The following BCAS3 variants were observed in gnomAD, a reference collection of about 807,000 sequenced individuals.
The protein encoded by BCAS3 is BCAS3 microtubule associated cell migration factor.
In BCAS3, 53 loss-of-function variants were observed where a neutral mutation model predicts 116.1. The ratio of observed to expected loss-of-function variants is 0.46; its 90% CI spans 0.37 to 0.57. The LOEUF (loss-of-function observed/expected upper bound fraction) is 0.57. Ranked by LOEUF, BCAS3 falls within the 20% of genes least tolerant of loss-of-function variation. The probability of loss-of-function intolerance (pLI) is 0.00; values close to 1 mark genes in which losing one functional copy is unlikely to be tolerated. For synonymous variants in BCAS3, 391 were observed against 408.2 expected, an observed-to-expected ratio of 0.96 and a Z score of 0.51; for missense variants, 917 against 1,165.4, an observed-to-expected ratio of 0.79 and a Z score of 3.10.
chr17:60,899,144 G>A (rs2057706238), intron 10 of BCAS3, among the ~76,000 whole-genome samples: 1 of 152,072 alleles, frequency 6.6e-6, no homozygotes, highest in South Asian at 2.1e-4. Flanking sequence ...CAGTTTTTGG[G>A]TGAGGGGCCC....
intron 11 of BCAS3, among the ~76,000 whole-genome samples, chr17:60,908,002 C>T (rs1052967865): frequency 1.3e-5 from 2 of 152,168 alleles, no homozygotes; most frequent in African/African-American, 2.4e-5. Context: ...AAACTTCCAG[C>T]ACTTTTCTCT....
intron 22 of BCAS3, among the ~76,000 whole-genome samples, chr17:61,345,611 T>A (rs1015818726): frequency 2.0e-5 from 3 of 152,154 alleles, no homozygotes; most frequent in African/African-American, 7.2e-5. Flanking sequence ...GTGCGTTTTG[T>A]GTAGCACAGC....
rs1568400896 is a variant in BCAS3, at chr17:61,122,360, A to G, written c.2425+37796A>G. ...CTCAGGCTGCCCTTGGTTTTGAGCC[A>G]GATAACAAACCTTTCAGTTGAATTT... On this transcript the variant is annotated intron_variant, in intron 22 of 23. Coordinates refer to ENST00000407086, the MANE Select transcript of BCAS3 (RefSeq NM_017679.5). This position sits in a 1 kb window ranked among gnomAD's most constrained non-coding sequence, Gnocchi z 4.6. Among the ~76,000 whole-genome samples, 2 of 152,232 alleles carry G rather than the reference A, an allele frequency of 1.3e-5. No homozygotes were observed. Among genetic ancestry groups the G allele is most frequent in the Non-Finnish European group, 2.9e-5 (2 of 68,038 alleles).
At chr17:60,713,925 C>A (rs1200531538) in intron 5 of BCAS3, among the ~76,000 whole-genome samples, 1 of 152,154 alleles carries the variant, frequency 6.6e-6, no homozygotes, top group Non-Finnish European at 1.5e-5. Flanking sequence ...CCTCTGCCTC[C>A]TGGGTTCAAG....
At chr17:60,693,016 G>A (rs532129233) in intron 4 of BCAS3, among the ~76,000 whole-genome samples, 87 of 151,892 alleles carry the variant, frequency 5.7e-4, no homozygotes, top group Non-Finnish European at 8.4e-4. Context: ...TCGCTTGAAC[G>A]CAGGAGGTGG....
At chr17:61,043,568 T>C (rs2067724842) in intron 19 of BCAS3, among the ~76,000 whole-genome samples, 1 of 152,010 alleles carries the variant, frequency 6.6e-6, no homozygotes. Flanking sequence ...GTGTGGGTTT[T>C]CAGTGGGTAC....
chr17:60,835,946 CATTA>C lies in BCAS3; in HGVS notation c.476+27874_476+27877del, dbSNP rs1378669485. ...ATGTCTCCTGAATTTCTCATTTAGT[CATTA>C]ATTGTTTAGACTTTTAAATGAATTT... On this transcript the variant is annotated intron_variant, in intron 7 of 23. Coordinates refer to ENST00000407086, the MANE Select transcript of BCAS3 (RefSeq NM_017679.5). Among the ~76,000 whole-genome samples the C allele has an allele frequency of 5.9e-5, 9 of 152,158 alleles. No homozygotes were observed. In the East Asian group the frequency reaches 1.7e-3, roughly 29 times the overall value.
chr17:60,933,302 T>C (rs778004482), intron 13 of BCAS3, among the ~76,000 whole-genome samples: 2 of 152,196 alleles, frequency 1.3e-5, no homozygotes, highest in Non-Finnish European at 2.9e-5. Context: ...AAGGAAGAAA[T>C]CCTCAATTCT....
At chr17:61,175,613 T>C (rs1230877545) in intron 22 of BCAS3, among the ~76,000 whole-genome samples, 2 of 152,234 alleles carry the variant, frequency 1.3e-5, no homozygotes, top group Non-Finnish European at 2.9e-5. Context: ...GATAGCTCTA[T>C]TTTTAATTTT....
chr17:60,870,565 A>G (rs2055012926), intron 8 of BCAS3, among the ~76,000 whole-genome samples: 1 of 152,184 alleles, frequency 6.6e-6, no homozygotes, highest in Admixed American at 6.5e-5. Flanking sequence ...ACCTTACTGA[A>G]ACAAGGTAGC....
At chr17:60,886,505 G>C (rs1190113777) in intron 9 of BCAS3, 1 of 152,178 alleles carries the variant, frequency 6.6e-6, no homozygotes, top group Non-Finnish European at 1.5e-5. Flanking sequence ...CGTTCCTTTG[G>C]AGGAGGAGAG....
At chr17:61,321,969 T>G (rs2055255192) in intron 22 of BCAS3, among the ~76,000 whole-genome samples, 1 of 152,154 alleles carries the variant, frequency 6.6e-6, no homozygotes, top group South Asian at 2.1e-4. Context: ...GTTTCCCTCT[T>G]GTTGCCCAGG....
rs1329805037 is a variant in BCAS3, at chr17:61,077,763, G to A, written c.2131-570G>A. 6.6e-6 allele frequency among the ~76,000 whole-genome samples: 1 copy of A among 152,120 alleles called. No individual in the cohort carries two copies. The highest frequency in any genetic ancestry group is 2.4e-5 in the African/African-American group (1 of 41,426). On this transcript the variant is annotated intron_variant, in intron 20 of 23. Transcript: ENST00000407086. This position sits in a 1 kb window ranked among gnomAD's most constrained non-coding sequence, Gnocchi z 4.3. ...AGTGGATTGGGGTAATATTAGGGCA[G>A]TATAATAAATATTATAATATTTTAT...
At chr17:60,798,095 A>G (rs1303147613) in intron 6 of BCAS3, among the ~76,000 whole-genome samples, 18 of 152,172 alleles carry the variant, frequency 1.2e-4, no homozygotes, top group Admixed American at 5.2e-4. Context: ...CCCAGGCACT[A>G]CCTCTTCCCA....
chr17:61,213,665 G>GT lies in BCAS3; in HGVS notation c.2425+129108dup, dbSNP rs1197157677. Among the ~76,000 whole-genome samples, 5 of 152,062 alleles carry GT rather than the reference G, an allele frequency of 3.3e-5. No individual in the cohort carries two copies. The highest frequency in any genetic ancestry group is 3.9e-4 in the East Asian group (2 of 5,166). On this transcript the variant is annotated intron_variant, in intron 22 of 23. Transcript: ENST00000407086. This position sits in a 1 kb window ranked among gnomAD's most constrained non-coding sequence, Gnocchi z 5.4. ...GTCTTTAATGGTCTTATATTTGCAT[G>GT]TTTTTTTAAGTAGTGAAAGAAGGTT...
intron 6 of BCAS3, among the ~76,000 whole-genome samples, chr17:60,754,465 G>A (rs1376911574): frequency 6.6e-6 from 1 of 152,070 alleles, no homozygotes; most frequent in Non-Finnish European, 1.5e-5. Flanking sequence ...TTGAACCACT[G>A]GCCTCAGGTG....
rs538038279 is a variant in BCAS3, at chr17:60,731,780, A to ATTTTTTTTTTT, written c.322-15412_322-15402dup. On this transcript the variant is annotated intron_variant, in intron 5 of 23. Transcript: ENST00000407086. The stretch of plus-strand genomic sequence containing the variant: ...TCATGTATCCGCTTATCACCCTCCT[A>ATTTTTTTTTTT]TTTTTTTTTTTTTTTTGAGGCAGAG... Among the ~76,000 whole-genome samples the ATTTTTTTTTTT allele has an allele frequency of 2.5e-3, 314 of 125,872 alleles. 4 individuals carry two copies. The highest frequency in any genetic ancestry group is 7.5e-3 in the African/African-American group (252 of 33,632). 82.6% of individuals were successfully genotyped at this position (125,872 alleles called of 152,430 possible). A position where few individuals can be genotyped will look rare whatever the true frequency, so the allele number is the denominator to read the frequency against.
At chr17:60,757,394 A>ATG (rs61645091) in intron 6 of BCAS3, among the ~76,000 whole-genome samples, 13,621 of 136,422 alleles carry the variant, frequency 0.1, 653 homozygotes, top group East Asian at 0.17. Context: ...CAGCATGTAT[A>ATG]TGTGTGTGTG....
chr17:60,806,538 C>G (rs1216127444), intron 6 of BCAS3, among the ~76,000 whole-genome samples: 2 of 151,454 alleles, frequency 1.3e-5, no homozygotes, highest in East Asian at 3.9e-4. Flanking sequence ...TGAGGTTGAG[C>G]ATTTTTTCTT....
Sources: gnomAD v4.1 joint callset for allele counts (sites outside exome capture counted in the v4.1 genomes callset) on GRCh38, gnomAD v4.1.1 for gene constraint, Gnocchi (gnomAD v3.1) non-coding constraint, MANE v1.5 for transcripts, NCBI Gene and HGNC (gene_info 2026-07-23, HGNC 2026-07-21) for gene names.